The following STAT4 variants were observed in gnomAD, a reference collection of about 807,000 sequenced individuals.
The protein encoded by STAT4 is signal transducer and activator of transcription 4.
STAT4 carries 42 observed loss-of-function variants against 110.5 expected under a neutral mutation model. The ratio of observed to expected loss-of-function variants is 0.38; its 90% confidence interval spans 0.30 to 0.49. The LOEUF is 0.49. Among genes scored for constraint, STAT4 ranks in the 20% least tolerant of loss-of-function variants. The pLI is 0.95. For synonymous variants in STAT4, 284 were observed against 302.2 expected, an observed-to-expected ratio of 0.94 and a Z score of 0.63; for missense variants, 632 against 887.9, an observed-to-expected ratio of 0.71 and a Z score of 3.66.
rs1284888022 is a variant in STAT4, at chr2:191,113,488, A to T, written c.273+33125T>A. 6.6e-6 allele frequency among the ~76,000 whole-genome samples: 1 copy of T among 152,210 alleles called. No homozygotes were observed. The highest frequency in any genetic ancestry group is 1.5e-5 in the Non-Finnish European group (1 of 68,034). ...ATTTGACAGAATGAAACAGCATTGG[A>T]TATAAATATGCTCAGAAACTTATAC... On this transcript the variant is annotated intron_variant, in intron 3 of 23. Transcript: ENST00000392320. The surrounding 1 kb of genome is among the most constrained non-coding windows in gnomAD (Gnocchi z 4.8).
In STAT4 at chr2:191,039,767, A is replaced by G. The variant is rs1194208189; in HGVS notation, c.1336-470T>C. On this transcript the variant is annotated intron_variant, in intron 15 of 23. Coordinates refer to ENST00000392320, the MANE Select transcript of STAT4 (RefSeq NM_003151.4). The surrounding 1 kb of genome is among the most constrained non-coding windows in gnomAD (Gnocchi z 4.7). ...AGTGGGAGGTTTCTATTGTAAAAAT[A>G]GGAGAGATAAGCTATGGGAGATAGA... 6.6e-6 allele frequency among the ~76,000 whole-genome samples: 1 copy of G among 152,262 alleles called. No individual in the cohort carries two copies. Among genetic ancestry groups the G allele is most frequent in the Non-Finnish European group, 1.5e-5 (1 of 68,046 alleles).
intron 3 of STAT4, among the ~76,000 whole-genome samples, chr2:191,084,116 G>A (rs1697563711): frequency 6.6e-6 from 1 of 152,032 alleles, no homozygotes; most frequent in Non-Finnish European, 1.5e-5. Context: ...ACAAAAATTA[G>A]CTGGGCATGG....
chr2:191,145,812 C>G (rs1267490516), intron 3 of STAT4, among the ~76,000 whole-genome samples: 1 of 152,158 alleles, frequency 6.6e-6, no homozygotes, highest in African/African-American at 2.4e-5. Flanking sequence ...GTTGTATGCA[C>G]TCAGTAAATA....
chr2:191,096,323 G>T (rs946153349), intron 3 of STAT4, among the ~76,000 whole-genome samples: 3 of 152,122 alleles, frequency 2.0e-5, no homozygotes, highest in African/African-American at 2.4e-5. Context: ...CAAAAAAAGA[G>T]AATTTTAGAC....
At chr2:191,068,102 T>C (rs1697044898) in intron 6 of STAT4, 1 of 152,194 alleles carries the variant, frequency 6.6e-6, no homozygotes, top group Admixed American at 6.5e-5. Flanking sequence ...GTTTCCCTTG[T>C]ATTTTTCTTT....
chr2:191,029,762 A>G lies in STAT4; in HGVS notation c.*78T>C. 1 of 1,313,758 alleles carries G rather than the reference A, an allele frequency of 7.6e-7. No individual in the cohort carries two copies. The highest frequency in any genetic ancestry group is 2.0e-5 in the Admixed American group (1 of 50,162). The allele number at this position is 1,313,758 out of a possible 1,614,324, so 81.4% of individuals were successfully genotyped here. A position where few individuals can be genotyped will look rare whatever the true frequency, so the allele number is the denominator to read the frequency against. On this transcript the variant is annotated 3_prime_UTR_variant, in exon 24 of 24. Transcript: ENST00000392320. The surrounding 1 kb of genome is among the most constrained non-coding windows in gnomAD (Gnocchi z 4.5). The stretch of plus-strand genomic sequence containing the variant: ...TGGTATTTACAAAGCTGAAGAAATA[A>G]AATGTGGTTATTGGGCAAAGAACAG...
chr2:191,081,877 T>A (rs13010752), intron 3 of STAT4, among the ~76,000 whole-genome samples: 10,498 of 152,192 alleles, frequency 0.069, 438 homozygotes, highest in Middle Eastern at 0.12. Context: ...CCCTCATCCC[T>A]AGCATTACCT....
rs1271723949 is a variant in STAT4 at position 191,033,129 on chromosome 2, C to T, written c.1873G>A (p.Val625Ile). ...SESGEVRFHS[V>I]EPYNKGRLSA... Reference sequence around the variant, plus strand: ...AACCGGCCTTTATTGTAGGGTTCTACAGAGTGGAATCTCACTTCCCCTTGA... The same window carrying T: ...AACCGGCCTTTATTGTAGGGTTCTATAGAGTGGAATCTCACTTCCCCTTGA... Residue 625 changes from valine (V) to isoleucine (I), a missense_variant, in exon 21 of 24, where the codon GTA becomes ATA. Coordinates refer to ENST00000392320, the MANE Select transcript of STAT4 (RefSeq NM_003151.4). The surrounding 1 kb of genome is among the most constrained non-coding windows in gnomAD (Gnocchi z 6.9). The T allele has an allele frequency of 1.2e-6, 2 of 1,613,524 alleles. No individual in the cohort carries two copies. Among genetic ancestry groups the T allele is most frequent in the East Asian group, 2.2e-5 (1 of 44,900 alleles).
At chr2:191,093,239 C>T (rs1327570950) in intron 3 of STAT4, among the ~76,000 whole-genome samples, 1 of 152,220 alleles carries the variant, frequency 6.6e-6, no homozygotes, top group African/African-American at 2.4e-5. Flanking sequence ...GACAGACTGC[C>T]TCCTCAAGTG....
intron 3 of STAT4, chr2:191,131,847 G>T (rs187262368): frequency 1.4e-6 from 2 of 1,453,858 alleles, no homozygotes; most frequent in African/African-American, 3.0e-5. Context: ...ACCTTTGAAT[G>T]CAGGTTTCTC....
chr2:191,141,471 CACATACATACATAT>C (rs1377959308), intron 3 of STAT4, among the ~76,000 whole-genome samples: 19 of 101,514 alleles, frequency 1.9e-4, no homozygotes, highest in East Asian at 7.6e-4. Flanking sequence ...ATATGTATAT[CACATACATACATAT>C]ACATATGTAT....
intron 1 of STAT4, among the ~76,000 whole-genome samples, chr2:191,149,703 C>T (rs925862603): frequency 6.6e-6 from 1 of 152,134 alleles, no homozygotes; most frequent in South Asian, 2.1e-4. Flanking sequence ...TATATTCCAT[C>T]GGATGTGTAT....
Position 191,032,780 on chromosome 2 carries a change from C to A in STAT4, c.2044+178G>T. On this transcript the variant is annotated intron_variant, in intron 21 of 23. Transcript: ENST00000392320. This position sits in a 1 kb window ranked among gnomAD's most constrained non-coding sequence, Gnocchi z 4.9. ...GCTAGTGTTAGAAAGCCCAGCGGTC[C>A]CTTTTCAGGAACTGCTGACATACCA... 1 of 627,318 alleles carries A rather than the reference C, an allele frequency of 1.6e-6. No individual in the cohort carries two copies. The highest frequency in any genetic ancestry group is 2.6e-6 in the Non-Finnish European group (1 of 377,758). The allele number at this position is 627,318 out of a possible 1,614,324, so 38.9% of individuals were successfully genotyped here.
At chr2:191,070,739 A>C (rs1228113572) in intron 5 of STAT4, among the ~76,000 whole-genome samples, 1 of 152,098 alleles carries the variant, frequency 6.6e-6, no homozygotes, top group East Asian at 1.9e-4. Flanking sequence ...GGTTACAAAA[A>C]GTATAGAATT....
intron 3 of STAT4, among the ~76,000 whole-genome samples, chr2:191,078,111 G>A (rs1462104034): frequency 6.6e-6 from 1 of 151,738 alleles, no homozygotes; most frequent in Non-Finnish European, 1.5e-5. Flanking sequence ...TAAAAAAAGG[G>A]CTTCTCCTAG....
At chr2:191,118,341 T>A (rs1377304131) in intron 3 of STAT4, among the ~76,000 whole-genome samples, 1 of 152,198 alleles carries the variant, frequency 6.6e-6, no homozygotes, top group East Asian at 1.9e-4. Context: ...TGGGAATCTG[T>A]TGAATCTGTT....
In STAT4 at chr2:191,062,158, G is replaced by C. The variant is rs1463723643; in HGVS notation, c.942-337C>G. The stretch of plus-strand genomic sequence containing the variant: ...CAGTCTCAACCTCCTGAGCTCAAGT[G>C]ATCCTCCTGCCTTGGCCTCCTGAGT... On this transcript the variant is annotated intron_variant, in intron 9 of 23. Transcript: ENST00000392320. The surrounding 1 kb of genome is among the most constrained non-coding windows in gnomAD (Gnocchi z 4.9). Among the ~76,000 whole-genome samples the C allele has an allele frequency of 6.6e-6, 1 of 152,122 alleles. No homozygotes were observed. The highest frequency in any genetic ancestry group is 1.5e-5 in the Non-Finnish European group (1 of 68,024).
In STAT4 at chr2:191,073,688, TCAAACAAA is replaced by T. The variant is rs35290875; in HGVS notation, c.373-506_373-499del. ...CTGGGCGACAGAGCGAGACTCCGTCTCAAACAAACAAACAAACAAACAAGCCCACCATA... is the reference window on the plus strand; with the variant it reads ...CTGGGCGACAGAGCGAGACTCCGTCTCAAACAAACAAACAAGCCCACCATA... On this transcript the variant is annotated intron_variant, in intron 4 of 23. Transcript: ENST00000392320. Among the ~76,000 whole-genome samples, 203 of 151,018 alleles carry T rather than the reference TCAAACAAA, an allele frequency of 1.3e-3. 2 individuals are homozygous for T. Among genetic ancestry groups the T allele is most frequent in the African/African-American group, 4.7e-3 (194 of 41,250 alleles).
At chr2:191,085,973 T>G (rs2125296265) in intron 3 of STAT4, among the ~76,000 whole-genome samples, 1 of 152,362 alleles carries the variant, frequency 6.6e-6, no homozygotes, top group East Asian at 1.9e-4. Flanking sequence ...AAATATATTC[T>G]TGTGAGCAAA....
Sources: gnomAD v4.1 joint callset for allele counts (sites outside exome capture counted in the v4.1 genomes callset) on GRCh38, gnomAD v4.1.1 for gene constraint, Gnocchi (gnomAD v3.1) non-coding constraint, MANE v1.5 for transcripts, NCBI Gene and HGNC (gene_info 2026-07-23, HGNC 2026-07-21) for gene names.